The following CDH18 variants were observed in gnomAD, a reference collection of about 807,000 sequenced individuals.
CDH18 encodes the protein cadherin-18.
A neutral mutation model predicts 67.9 loss-of-function variants in CDH18; 31 were observed. That is an observed-to-expected ratio of 0.46 (90% CI 0.34 to 0.62). The LOEUF is 0.62. Ranked by LOEUF, CDH18 falls within the 20% of genes least tolerant of loss-of-function variation. The pLI is 0.01. For missense variants in CDH18, 890 were observed against 975.5 expected (o/e 0.91, Z 1.17); for synonymous variants, 362 against 347.2 (o/e 1.04, Z -0.48).
At chr5:19,792,278 TG>T (rs1456747516) in intron 3 of CDH18, among the ~76,000 whole-genome samples, 1 of 152,156 alleles carries the variant, frequency 6.6e-6, no homozygotes, top group Non-Finnish European at 1.5e-5. Context: ...CTTCTAGAGC[TG>T]GGGCGTTCAT....
chr5:19,483,180 G>A (rs897269825), intron 12 of CDH18, 121 bp downstream of exon 12: 1 of 874,038 alleles, frequency 1.1e-6, no homozygotes, highest in Non-Finnish European at 1.8e-6. Flanking sequence ...TTAATTCATA[G>A]GAAATTGGAG....
intron 2 of CDH18, among the ~76,000 whole-genome samples, chr5:19,880,985 C>CT (rs1378594589): frequency 1.3e-5 from 2 of 152,078 alleles, no homozygotes; most frequent in Admixed American, 1.3e-4. Flanking sequence ...AGCATGAAGC[C>CT]TATAGCCCTG....
chr5:20,408,237 T>A (rs1178058114), intron 1 of CDH18, among the ~76,000 whole-genome samples: 1 of 152,062 alleles, frequency 6.6e-6, no homozygotes, highest in Non-Finnish European at 1.5e-5. Context: ...CCACTAGACT[T>A]ACCTTACAGG....
At chr5:20,033,032 T>C (rs979561513) in intron 2 of CDH18, among the ~76,000 whole-genome samples, 2 of 152,040 alleles carry the variant, frequency 1.3e-5, no homozygotes, top group East Asian at 3.9e-4. Flanking sequence ...ACACAAAAGA[T>C]ATTATCTCCC....
rs1382770080 is a variant in CDH18, at chr5:19,884,252, TAAC to T, written c.-256-45013_-256-45011del. ...CTCATTTCTTGCTATAAAAGACTGT[TAAC>T]AAAATTGTTTTCACTAAAACTTTGA... On this transcript the variant is annotated intron_variant, in intron 2 of 12. Transcript: ENST00000382275. Among the ~76,000 whole-genome samples the T allele has an allele frequency of 2.0e-5, 3 of 152,120 alleles. No homozygotes were observed. The South Asian group carries it at 6.2e-4, about 31-fold the overall frequency.
chr5:20,467,278 G>A (rs1197017070), intron 1 of CDH18, among the ~76,000 whole-genome samples: 3 of 151,836 alleles, frequency 2.0e-5, no homozygotes, highest in African/African-American at 7.3e-5. Context: ...TTTTTATAAT[G>A]TCATTAATTT....
At chr5:20,167,464 A>G (rs917252412) in intron 2 of CDH18, among the ~76,000 whole-genome samples, 1 of 151,914 alleles carries the variant, frequency 6.6e-6, no homozygotes. Flanking sequence ...TTTAAAATGA[A>G]TAAATTAATG....
At chr5:19,894,317 T>C (rs974820768) in intron 2 of CDH18, among the ~76,000 whole-genome samples, 4 of 152,080 alleles carry the variant, frequency 2.6e-5, no homozygotes, top group Non-Finnish European at 5.9e-5. Context: ...TTCATATGAA[T>C]ACAGGTTTTT....
At chr5:19,984,770 G>A (rs902113061) in intron 1 of CDH18, among the ~76,000 whole-genome samples, 1 of 152,146 alleles carries the variant, frequency 6.6e-6, no homozygotes, top group Non-Finnish European at 1.5e-5. Context: ...GTTAATCCAT[G>A]TCAGTATGCA....
chr5:20,562,611 C>T (rs1041241894), intron 1 of CDH18, among the ~76,000 whole-genome samples: 1 of 151,362 alleles, frequency 6.6e-6, no homozygotes, highest in Admixed American at 6.6e-5. Flanking sequence ...ATTAAAAATG[C>T]TATAATTACT....
At chr5:20,535,600 TA>T (rs1161316655) in intron 1 of CDH18, among the ~76,000 whole-genome samples, 1 of 152,130 alleles carries the variant, frequency 6.6e-6, no homozygotes, top group Non-Finnish European at 1.5e-5. Flanking sequence ...TTGCTCTGCC[TA>T]TCGCAGAAAG....
chr5:19,528,798 TCTC>T (rs940181939), intron 9 of CDH18, among the ~76,000 whole-genome samples: 22 of 151,930 alleles, frequency 1.4e-4, no homozygotes, highest in Non-Finnish European at 2.2e-4. Context: ...GCCTAACTGT[TCTC>T]CTTAATTGGA....
chr5:19,997,980 A>G (rs577200444), intron 2 of CDH18, among the ~76,000 whole-genome samples: 19 of 152,290 alleles, frequency 1.2e-4, no homozygotes, highest in African/African-American at 4.1e-4. Flanking sequence ...CTTGTATACA[A>G]AAAGAAAGTC....
intron 2 of CDH18, among the ~76,000 whole-genome samples, chr5:20,176,054 C>T (rs946117561): frequency 6.6e-6 from 1 of 152,124 alleles, no homozygotes; most frequent in Non-Finnish European, 1.5e-5. Context: ...TCATCTTTTT[C>T]CCCCAACAAC....
intron 1 of CDH18, among the ~76,000 whole-genome samples, chr5:20,574,646 T>C (rs1759016630): frequency 6.6e-6 from 1 of 152,108 alleles, no homozygotes; most frequent in South Asian, 2.1e-4. Context: ...CCCAGCTCAT[T>C]ATTTCTAGTC....
chr5:19,761,896 A>G (rs1290292025), intron 3 of CDH18, among the ~76,000 whole-genome samples: 2 of 152,210 alleles, frequency 1.3e-5, no homozygotes, highest in Non-Finnish European at 2.9e-5. Flanking sequence ...AAACAGAGAT[A>G]TAGACCAATG....
At chr5:19,479,410 C>T (rs1352316944) in intron 12 of CDH18, among the ~76,000 whole-genome samples, 1 of 152,126 alleles carries the variant, frequency 6.6e-6, no homozygotes, top group African/African-American at 2.4e-5. Context: ...CATAAATTAA[C>T]TTCAACATTA....
At chr5:20,437,147 GA>G (rs67438100) in intron 1 of CDH18, among the ~76,000 whole-genome samples, 6 of 148,900 alleles carry the variant, frequency 4.0e-5, no homozygotes, top group Admixed American at 6.7e-5. Flanking sequence ...CATTGCTTAG[GA>G]AAAAAAAATG....
intron 9 of CDH18, 54 bp from the exon 10 acceptor site, chr5:19,520,832 G>T (rs1328588674): frequency 1.9e-6 from 3 of 1,581,060 alleles, no homozygotes; most frequent in Non-Finnish European, 2.6e-6. Flanking sequence ...TTAGAGGCTC[G>T]GTTTAAAACA....
Sources: allele counts gnomAD v4.1 joint callset (sites outside exome capture counted in the v4.1 genomes callset), GRCh38; gene constraint gnomAD v4.1.1; transcripts MANE v1.5; gene names NCBI Gene and HGNC (gene_info 2026-07-23, HGNC 2026-07-21).